Variants in CSMD2 observed in about 807,000 individuals in gnomAD.
The protein encoded by CSMD2 is CUB and Sushi multiple domains 2, also known as CUB and sushi domain-containing protein 2.
In CSMD2, 130 loss-of-function variants were observed where a neutral mutation model predicts 398.5. The ratio of observed to expected loss-of-function variants is 0.33; its 90% CI spans 0.28 to 0.38. The LOEUF (loss-of-function observed/expected upper bound fraction) is 0.38. Ranked by LOEUF, CSMD2 falls within the 10% of genes least tolerant of loss-of-function variation. The pLI is 1.00. For synonymous variants in CSMD2, 1,828 were observed against 1,908.5 expected (o/e 0.96, Z 1.10); for missense variants, 3,829 against 4,764.9 (o/e 0.80, Z 5.78).
At chr1:34,116,118 T>C (rs1442724659) in intron 1 of CSMD2, among the ~76,000 whole-genome samples, 1 of 152,054 alleles carries the variant, frequency 6.6e-6, no homozygotes, top group Admixed American at 6.6e-5. Context: ...TTACTTTCGA[T>C]GTAAATGGAT....
Position 33,751,625 on chromosome 1 carries a change from T to A in CSMD2, c.1847-8019A>T, listed in dbSNP as rs1326258227. On this transcript the variant is annotated intron_variant, in intron 13 of 70. Transcript: ENST00000373381. Reference sequence around the variant, plus strand: ...TGAGAGTGTGAAGAAAGATACTTTTTAAAATTATTATTATTGAGACGGAGT... The same window carrying A: ...TGAGAGTGTGAAGAAAGATACTTTTAAAAATTATTATTATTGAGACGGAGT... Among the ~76,000 whole-genome samples the A allele has an allele frequency of 5.9e-5, 9 of 152,284 alleles. No individual in the cohort carries two copies. The South Asian group carries it at 1.2e-3, about 21-fold the overall frequency.
At chr1:34,100,585 T>A (rs1011559859) in intron 1 of CSMD2, among the ~76,000 whole-genome samples, 7 of 152,184 alleles carry the variant, frequency 4.6e-5, no homozygotes, top group African/African-American at 1.7e-4. Flanking sequence ...ATTTCTCGGT[T>A]TTCTTTTGTA....
chr1:34,154,722 C>T (rs1640642679), intron 1 of CSMD2, among the ~76,000 whole-genome samples: 1 of 116,990 alleles, frequency 8.5e-6, no homozygotes, highest in South Asian at 3.2e-4. Context: ...TTATAAGGAT[C>T]CAGGCTTTTT....
chr1:33,862,096 T>A (rs1639563479), intron 5 of CSMD2: 2 of 152,230 alleles, frequency 1.3e-5, no homozygotes, highest in South Asian at 4.1e-4. Flanking sequence ...AACTCTTAGA[T>A]ACCCAGCACA....
At chr1:34,122,806 C>T (rs564090244) in intron 1 of CSMD2, among the ~76,000 whole-genome samples, 1 of 152,290 alleles carries the variant, frequency 6.6e-6, no homozygotes, top group African/African-American at 2.4e-5. Context: ...GGGCATCTTA[C>T]CAGGGGACAG....
At chr1:33,883,586 A>T (rs1311563764) in intron 5 of CSMD2, among the ~76,000 whole-genome samples, 2 of 152,194 alleles carry the variant, frequency 1.3e-5, no homozygotes, top group African/African-American at 2.4e-5. Flanking sequence ...ACCGAGTTAT[A>T]GTCTGTGAGT....
chr1:34,072,385 T>C (rs568311161), intron 2 of CSMD2, among the ~76,000 whole-genome samples: 1 of 152,240 alleles, frequency 6.6e-6, no homozygotes, highest in South Asian at 2.1e-4. Flanking sequence ...GAGCAAATTC[T>C]GTGGCCCCAG....
intron 1 of CSMD2, among the ~76,000 whole-genome samples, chr1:34,144,101 A>G (rs946110124): frequency 6.6e-6 from 1 of 152,100 alleles, no homozygotes; most frequent in African/African-American, 2.4e-5. Flanking sequence ...CTCAGTCTGG[A>G]TAACAGCTTT....
intron 25 of CSMD2, among the ~76,000 whole-genome samples, chr1:33,673,322 C>G (rs1327463460): frequency 1.3e-5 from 2 of 152,148 alleles, no homozygotes; most frequent in African/African-American, 4.8e-5. Context: ...ATGCACAAGC[C>G]TCAGTAGCTG....
At chr1:34,088,759 C>T (rs907120498) in intron 2 of CSMD2, among the ~76,000 whole-genome samples, 7 of 152,198 alleles carry the variant, frequency 4.6e-5, no homozygotes, top group Admixed American at 3.3e-4. Flanking sequence ...TGTGTTTTCT[C>T]TCTAGTCTTC....
At chr1:33,597,751 T>G (rs569766336) in intron 44 of CSMD2, among the ~76,000 whole-genome samples, 11 of 152,346 alleles carry the variant, frequency 7.2e-5, no homozygotes, top group African/African-American at 2.6e-4. Context: ...CACACAGACA[T>G]GTACTCAAGA....
chr1:33,838,054 C>T (rs529281682), intron 6 of CSMD2, among the ~76,000 whole-genome samples: 1 of 152,202 alleles, frequency 6.6e-6, no homozygotes, highest in Non-Finnish European at 1.5e-5. Context: ...GGAGGCCTAA[C>T]CTGTCTCCAA....
intron 1 of CSMD2, among the ~76,000 whole-genome samples, chr1:34,105,161 G>A (rs61769765): frequency 5.9e-5 from 9 of 152,084 alleles, no homozygotes; most frequent in African/African-American, 1.2e-4. Context: ...CTTAACAATC[G>A]GAGAGATTTC....
At chr1:33,644,354 G>C (rs2148940659) in intron 29 of CSMD2, among the ~76,000 whole-genome samples, 2 of 152,268 alleles carry the variant, frequency 1.3e-5, no homozygotes, top group Middle Eastern at 3.4e-3. Context: ...CTACCCAATA[G>C]CTTACTGTAT....
chr1:33,962,509 G>A (rs867382884), intron 3 of CSMD2, among the ~76,000 whole-genome samples: 2 of 152,140 alleles, frequency 1.3e-5, no homozygotes, highest in African/African-American at 2.4e-5. Flanking sequence ...TGATTTACAA[G>A]GAACCTTGAG....
At chr1:33,620,095 ACTTAT>A (rs1641669263) in intron 37 of CSMD2, among the ~76,000 whole-genome samples, 4 of 152,230 alleles carry the variant, frequency 2.6e-5, no homozygotes, top group African/African-American at 9.6e-5. Context: ...GTCCATTCTA[ACTTAT>A]CTTATGCTAC....
intron 1 of CSMD2, among the ~76,000 whole-genome samples, chr1:34,097,227 G>C (rs1659422570): frequency 6.6e-6 from 1 of 150,646 alleles, no homozygotes; most frequent in African/African-American, 2.5e-5. Flanking sequence ...AGCTGAAAGT[G>C]GATCCCTTCT....
At chr1:33,824,791 A>C (rs565045859) in intron 7 of CSMD2, among the ~76,000 whole-genome samples, 12 of 152,142 alleles carry the variant, frequency 7.9e-5, no homozygotes, top group African/African-American at 2.4e-4. Context: ...GAGGAGAAAA[A>C]GTGAAGGGAG....
chr1:33,694,199 T>C (rs776851713), intron 24 of CSMD2, among the ~76,000 whole-genome samples: 6 of 152,172 alleles, frequency 3.9e-5, no homozygotes, highest in Non-Finnish European at 7.3e-5. Flanking sequence ...ATACCTAGAA[T>C]AGGCAAATCT....
Sources: allele counts gnomAD v4.1 joint callset (sites outside exome capture counted in the v4.1 genomes callset), GRCh38; gene constraint gnomAD v4.1.1; transcripts MANE v1.5; gene names NCBI Gene and HGNC (gene_info 2026-07-23, HGNC 2026-07-21).